The following PRKACB variants were observed in gnomAD, a reference collection of about 807,000 sequenced individuals.
PRKACB encodes cAMP-dependent protein kinase catalytic subunit beta.
In PRKACB, 16 loss-of-function variants were observed where a neutral mutation model predicts 51.4. The observed-to-expected ratio is 0.31, with a 90% CI of 0.21 to 0.47. The LOEUF (loss-of-function observed/expected upper bound fraction) is 0.47. PRKACB is among the 20% of genes least tolerant of loss of function. The pLI, the probability that PRKACB is intolerant of heterozygous loss-of-function variation, is 1.00. For missense variants in PRKACB, 309 were observed against 464.5 expected, an observed-to-expected ratio of 0.67 and a Z score of 3.08; for synonymous variants, 147 against 154.4, an observed-to-expected ratio of 0.95 and a Z score of 0.35.
In PRKACB at chr1:84,111,340, T is replaced by A. The variant is rs1571620564; in HGVS notation, c.46+32969T>A. 2.6e-5 allele frequency among the ~76,000 whole-genome samples: 4 copies of A among 152,276 alleles called. No individual in the cohort carries two copies. The South Asian group carries it at 8.3e-4, about 32-fold the overall frequency. On this transcript the variant is annotated intron_variant, in intron 1 of 8. Coordinates refer to the PRKACB transcript ENST00000370688. ...CCCAAACACAAAATGAGTCTTTCTG[T>A]ACTGCTAGCTAATGTTTACTAAGAT...
At chr1:84,101,421 A>G (rs547213921) in intron 1 of PRKACB, among the ~76,000 whole-genome samples, 1 of 152,282 alleles carries the variant, frequency 6.6e-6, no homozygotes, top group East Asian at 1.9e-4. Flanking sequence ...TAACGACTAT[A>G]CCCTAGCCAA....
rs573941337 is a variant in PRKACB, at chr1:84,232,444, G to T, written c.1072-2736G>T. ...TGTAGATGTCTATTAGGTCCACTTG[G>T]TGCAGAGCTGAGTTCAATTCCTTGT... is the stretch of plus-strand genomic sequence containing the variant. On this transcript the variant is annotated intron_variant, in intron 9 of 9. Transcript: ENST00000370685. Among the ~76,000 whole-genome samples the T allele has an allele frequency of 1.3e-4, 20 of 152,224 alleles. No individual in the cohort carries two copies. In the East Asian group the frequency reaches 3.7e-3, roughly 28 times the overall value.
rs566894772 is a variant in PRKACB, at chr1:84,227,927, G to A, written c.1072-7253G>A. 1.7e-4 allele frequency among the ~76,000 whole-genome samples: 26 copies of A among 152,100 alleles called. No homozygotes were observed. In the East Asian group the frequency reaches 3.3e-3, roughly 19 times the overall value. On this transcript the variant is annotated intron_variant, in intron 9 of 9. Coordinates refer to ENST00000370685, the MANE Select transcript of PRKACB (RefSeq NM_182948.4). ...CTCCAAATGATCAAGGAAAAAAAAA[G>A]GCAGAAGAAAGAAGTAGCCTGAACA...
At chr1:84,222,812 T>A (rs892836073) in intron 9 of PRKACB, among the ~76,000 whole-genome samples, 1 of 152,186 alleles carries the variant, frequency 6.6e-6, no homozygotes, top group Admixed American at 6.5e-5. Context: ...TTTGTTTTTT[T>A]CCTTTTAGCA....
At chr1:84,193,978 C>T (rs1667508440) in intron 5 of PRKACB, among the ~76,000 whole-genome samples, 1 of 152,018 alleles carries the variant, frequency 6.6e-6, no homozygotes, top group South Asian at 2.1e-4. Context: ...TTTTAATTAC[C>T]CGAGGCCTAA....
chr1:84,159,223 C>T (rs1226340743), intron 1 of PRKACB, among the ~76,000 whole-genome samples: 1 of 152,052 alleles, frequency 6.6e-6, no homozygotes, highest in East Asian at 1.9e-4. Flanking sequence ...CATAGATTAA[C>T]TTGTAGAGAA....
intron 1 of PRKACB, among the ~76,000 whole-genome samples, chr1:84,097,237 C>G (rs1207176123): frequency 1.3e-5 from 2 of 151,940 alleles, no homozygotes; most frequent in East Asian, 3.9e-4. Context: ...CACACCTATA[C>G]TCATTTCTGT....
chr1:84,091,388 A>G (rs1273161897), intron 1 of PRKACB, among the ~76,000 whole-genome samples: 2 of 152,230 alleles, frequency 1.3e-5, no homozygotes, highest in Non-Finnish European at 2.9e-5. Context: ...ACTGGGTTAC[A>G]TGCACAACCT....
At chr1:84,159,201 A>G (rs1655885822) in intron 1 of PRKACB, among the ~76,000 whole-genome samples, 1 of 152,120 alleles carries the variant, frequency 6.6e-6, no homozygotes, top group Non-Finnish European at 1.5e-5. Flanking sequence ...CATAGAGATT[A>G]TATATTGAGT....
chr1:84,133,802 A>G (rs1652505964), intron 1 of PRKACB, among the ~76,000 whole-genome samples: 1 of 152,228 alleles, frequency 6.6e-6, no homozygotes, highest in Non-Finnish European at 1.5e-5. Flanking sequence ...TCAAAGCCCC[A>G]GAAGTAATGT....
chr1:84,116,090 A>G (rs1650616491), intron 1 of PRKACB, among the ~76,000 whole-genome samples: 1 of 152,066 alleles, frequency 6.6e-6, no homozygotes, highest in Admixed American at 6.6e-5. Flanking sequence ...TCCCAGGACC[A>G]TTTATTGAAG....
At chr1:84,107,127 G>A (rs897711987) in intron 1 of PRKACB, among the ~76,000 whole-genome samples, 3 of 151,952 alleles carry the variant, frequency 2.0e-5, no homozygotes, top group African/African-American at 4.8e-5. Context: ...ATATGCCCCC[G>A]AACCTAAAAT....
chr1:84,139,468 G>A (rs1214060027), upstream of PRKACB, among the ~76,000 whole-genome samples: 2 of 152,126 alleles, frequency 1.3e-5, no homozygotes, highest in East Asian at 3.8e-4. Context: ...TTAAAGAACT[G>A]TTTACAATAG....
intron 9 of PRKACB, among the ~76,000 whole-genome samples, chr1:84,216,811 T>G (rs906407611): frequency 1.3e-5 from 2 of 152,144 alleles, no homozygotes; most frequent in Non-Finnish European, 2.9e-5. Flanking sequence ...TGATCCCAGG[T>G]TCTTCAGATT....
intron 5 of PRKACB, among the ~76,000 whole-genome samples, chr1:84,195,817 G>A (rs1668073773): frequency 6.6e-6 from 1 of 151,938 alleles, no homozygotes; most frequent in African/African-American, 2.4e-5. Flanking sequence ...GGAAGCTGAG[G>A]CAGAAGAATC....
At chr1:84,214,611 G>C (rs944732156) in intron 9 of PRKACB, among the ~76,000 whole-genome samples, 1 of 151,316 alleles carries the variant, frequency 6.6e-6, no homozygotes, top group East Asian at 2.0e-4. Context: ...TCCTGCTTCA[G>C]CCTCTCGAGT....
intron 1 of PRKACB, among the ~76,000 whole-genome samples, chr1:84,083,591 A>G (rs1310517846): frequency 1.3e-5 from 2 of 152,238 alleles, no homozygotes; most frequent in Admixed American, 1.3e-4. Flanking sequence ...CAGATAATTA[A>G]TAGTTGACCA....
intron 7 of PRKACB, among the ~76,000 whole-genome samples, chr1:84,201,322 G>A (rs565541750): frequency 6.6e-6 from 1 of 151,830 alleles, no homozygotes; most frequent in Admixed American, 6.6e-5. Flanking sequence ...TAGCCATTTG[G>A]TATTTCTTTA....
chr1:84,148,439 G>A (rs1334953104), intron 1 of PRKACB, among the ~76,000 whole-genome samples: 1 of 150,566 alleles, frequency 6.6e-6, no homozygotes, highest in African/African-American at 2.4e-5. Context: ...TAATCCTTAT[G>A]TATCTGTCTC....
Sources: gnomAD v4.1 joint callset for allele counts (sites outside exome capture counted in the v4.1 genomes callset) on GRCh38, gnomAD v4.1.1 for gene constraint, MANE v1.5 for transcripts, NCBI Gene and HGNC (gene_info 2026-07-23, HGNC 2026-07-21) for gene names.